TSPAN18: variants seen among roughly 807,000 people sequenced by gnomAD.
TSPAN18 encodes tetraspanin 18, also known as tetraspanin-18.
TSPAN18 carries 14 observed loss-of-function variants against 27.3 expected under a neutral mutation model. That is an observed-to-expected ratio of 0.51 (90% CI 0.34 to 0.80). The LOEUF is 0.80. TSPAN18 is among the 30% of genes least tolerant of loss of function. TSPAN18 has a pLI of 0.01. For missense variants in TSPAN18, 268 were observed against 323.9 expected (o/e 0.83, Z 1.32); for synonymous variants, 143 against 136.5 (o/e 1.05, Z -0.33).
chr11:44,815,979 G>A (rs145957171), intron 2 of TSPAN18, among the ~76,000 whole-genome samples: 116 of 152,298 alleles, frequency 7.6e-4, no homozygotes, highest in African/African-American at 1.1e-3. Flanking sequence ...ATCAGTGTCC[G>A]TGTGCAGCAC....
At chr11:44,876,185 C>T (rs945035605) in intron 3 of TSPAN18, among the ~76,000 whole-genome samples, 4 of 152,226 alleles carry the variant, frequency 2.6e-5, no homozygotes, top group African/African-American at 7.2e-5. Context: ...ACCTCAGTGA[C>T]CTGTGCCCCG....
chr11:44,782,204 A>G (rs1308057319), intron 2 of TSPAN18, among the ~76,000 whole-genome samples: 1 of 152,164 alleles, frequency 6.6e-6, no homozygotes, highest in Non-Finnish European at 1.5e-5. Context: ...TTTTGGAAGT[A>G]TCCTGGAATA....
At chr11:44,850,051 C>G (rs1206505781) in intron 2 of TSPAN18, among the ~76,000 whole-genome samples, 2 of 152,230 alleles carry the variant, frequency 1.3e-5, no homozygotes, top group Non-Finnish European at 2.9e-5. Context: ...TACGTGACCC[C>G]TAATAACCCC....
In TSPAN18 at chr11:44,859,390, T is replaced by C. The variant is rs536705629; in HGVS notation, c.-152-938T>C. On this transcript the variant is annotated intron_variant, in intron 2 of 9. Coordinates refer to ENST00000520358, the MANE Select transcript of TSPAN18 (RefSeq NM_130783.5). ...ATGCTCCTCTGTGGGCTTCACAGAC[T>C]TACGAAAGTCATTTTAATTCCCGGC... 2.6e-5 allele frequency among the ~76,000 whole-genome samples: 4 copies of C among 152,302 alleles called. No homozygotes were observed. The East Asian group carries it at 7.7e-4, about 29-fold the overall frequency.
chr11:44,928,988 C>A, intron 9 of TSPAN18, 143 bp from the exon 10 acceptor site: 1 of 1,057,410 alleles, frequency 9.5e-7, no homozygotes, highest in Non-Finnish European at 1.4e-6. Context: ...GAAGGGCTGG[C>A]CCCAGGGGAA....
At chr11:44,806,952 T>G (rs1443045640) in intron 2 of TSPAN18, among the ~76,000 whole-genome samples, 1 of 151,998 alleles carries the variant, frequency 6.6e-6, no homozygotes, top group East Asian at 1.9e-4. Flanking sequence ...GAGTGAGTAT[T>G]TGATGAAGTA....
At chr11:44,892,006 C>G (rs1858866472) in intron 3 of TSPAN18, among the ~76,000 whole-genome samples, 1 of 152,164 alleles carries the variant, frequency 6.6e-6, no homozygotes, top group African/African-American at 2.4e-5. Flanking sequence ...AGTGGATGCT[C>G]TCTGAACCCC....
intron 3 of TSPAN18, among the ~76,000 whole-genome samples, chr11:44,887,434 A>G (rs1858693965): frequency 6.6e-6 from 1 of 152,230 alleles, no homozygotes; most frequent in Non-Finnish European, 1.5e-5. Flanking sequence ...TGGGGGAGTC[A>G]CTTCATCTCT....
intron 2 of TSPAN18, among the ~76,000 whole-genome samples, chr11:44,854,053 A>G (rs1857668531): frequency 6.6e-6 from 1 of 152,156 alleles, no homozygotes. Context: ...TGGGTTGTGT[A>G]TTAATCGTAT....
chr11:44,808,508 A>T (rs1465760264), intron 2 of TSPAN18, among the ~76,000 whole-genome samples: 1 of 152,196 alleles, frequency 6.6e-6, no homozygotes, highest in Admixed American at 6.5e-5. Context: ...GGAACATGGG[A>T]TCATCACCTG....
intron 3 of TSPAN18, among the ~76,000 whole-genome samples, chr11:44,865,754 C>G (rs1003165007): frequency 3.4e-4 from 52 of 152,222 alleles, no homozygotes; most frequent in African/African-American, 1.2e-3. Context: ...GCTGTTGCAG[C>G]CAGTTGTCAT....
At chr11:44,812,219 TC>T (rs1856733333) in intron 2 of TSPAN18, among the ~76,000 whole-genome samples, 2 of 152,166 alleles carry the variant, frequency 1.3e-5, no homozygotes, top group Non-Finnish European at 2.9e-5. Flanking sequence ...CCTGGCCACT[TC>T]CTGGCTGTGT....
intron 1 of TSPAN18, among the ~76,000 whole-genome samples, chr11:44,743,379 G>A (rs1260662351): frequency 6.6e-6 from 1 of 152,168 alleles, no homozygotes; most frequent in African/African-American, 2.4e-5. Context: ...GGGGTGCAGT[G>A]GTTAGAGCCG....
At chr11:44,774,141 C>T (rs532248099) in intron 2 of TSPAN18, among the ~76,000 whole-genome samples, 161 of 152,342 alleles carry the variant, frequency 1.1e-3, no homozygotes, top group African/African-American at 3.7e-3. Flanking sequence ...CAGAGAGTCT[C>T]TTCAGTAGGA....
At chr11:44,920,224 G>A (rs149161920) in intron 8 of TSPAN18, among the ~76,000 whole-genome samples, 2 of 152,302 alleles carry the variant, frequency 1.3e-5, no homozygotes, top group African/African-American at 4.8e-5. Context: ...AGTGGCAGAT[G>A]GTCTGCCGCT....
chr11:44,927,346 C>T (rs1292539487), intron 9 of TSPAN18, among the ~76,000 whole-genome samples: 2 of 152,234 alleles, frequency 1.3e-5, no homozygotes, highest in African/African-American at 2.4e-5. Flanking sequence ...CTGGGATCTC[C>T]GACTTGCTGC....
intron 6 of TSPAN18, 93 bp downstream of exon 6, chr11:44,918,139 C>G: frequency 7.6e-7 from 1 of 1,317,262 alleles, no homozygotes; most frequent in Non-Finnish European, 1.1e-6. Context: ...TGAAGGGTCT[C>G]AGAGAGTGGG....
At chr11:44,743,842 C>T (rs1855008243) in intron 1 of TSPAN18, among the ~76,000 whole-genome samples, 1 of 152,202 alleles carries the variant, frequency 6.6e-6, no homozygotes, top group South Asian at 2.1e-4. Context: ...AAAACTGATC[C>T]TGATGGAGGA....
intron 8 of TSPAN18, among the ~76,000 whole-genome samples, chr11:44,921,488 G>A (rs760736470): frequency 1.1e-4 from 16 of 152,160 alleles, no homozygotes; most frequent in Non-Finnish European, 1.9e-4. Flanking sequence ...CCATGTAACC[G>A]AGTTCTGGCT....
Sources: allele counts gnomAD v4.1 joint callset (sites outside exome capture counted in the v4.1 genomes callset), GRCh38; gene constraint gnomAD v4.1.1; transcripts MANE v1.5; gene names NCBI Gene and HGNC (gene_info 2026-07-23, HGNC 2026-07-21).